The following EYS variants were observed in gnomAD, a reference collection of about 807,000 sequenced individuals.
EYS encodes the protein protein eyes shut homolog.
In EYS, 250 loss-of-function variants were observed where a neutral mutation model predicts 282.1. The ratio of observed to expected loss-of-function variants is 0.89; its 90% CI spans 0.80 to 0.98. EYS has a LOEUF of 0.98. EYS is among the 50% of genes least tolerant of loss of function. The pLI is 0.00. For synonymous variants in EYS, 1,355 were observed against 1,282.9 expected, an observed-to-expected ratio of 1.06 and a Z score of -1.20; for missense variants, 4,016 against 3,709.0, an observed-to-expected ratio of 1.08 and a Z score of -2.15.
At chr6:64,623,494 A>G (rs188964169) in intron 23 of EYS, among the ~76,000 whole-genome samples, 144 of 152,292 alleles carry the variant, frequency 9.5e-4, no homozygotes, top group Admixed American at 2.0e-3. Flanking sequence ...ATTAGTTAAT[A>G]CATCTAAAAT....
chr6:65,123,123 G>A (rs1455188757), intron 12 of EYS, among the ~76,000 whole-genome samples: 8 of 152,074 alleles, frequency 5.3e-5, no homozygotes, highest in Admixed American at 5.2e-4. Context: ...GAGACTTCTT[G>A]ACTAATTGCT....
At chr6:63,910,029 G>A (rs1211520789) in intron 35 of EYS, among the ~76,000 whole-genome samples, 2 of 152,146 alleles carry the variant, frequency 1.3e-5, no homozygotes, top group Non-Finnish European at 2.9e-5. Flanking sequence ...GAACCCCAAG[G>A]AATATTGTTG....
intron 24 of EYS, among the ~76,000 whole-genome samples, chr6:64,599,364 G>T (rs72875001): frequency 0.06 from 9,062 of 152,214 alleles, 377 homozygotes; most frequent in Non-Finnish European, 0.088. Context: ...TGTATTCAGG[G>T]TATACGTGGA....
chr6:64,452,946 T>C (rs1251293690), intron 26 of EYS, among the ~76,000 whole-genome samples: 1 of 152,176 alleles, frequency 6.6e-6, no homozygotes, highest in Non-Finnish European at 1.5e-5. Flanking sequence ...GACATAGGCA[T>C]GGGCAAGGAC....
chr6:63,859,125 G>T, intron 36 of EYS, among the ~76,000 whole-genome samples: 1 of 118,444 alleles, frequency 8.4e-6, no homozygotes, highest in African/African-American at 3.3e-5. Flanking sequence ...AGCTGGGATG[G>T]AGATGCAGCC....
intron 1 of EYS, among the ~76,000 whole-genome samples, chr6:65,684,978 T>A (rs1768963170): frequency 6.6e-6 from 1 of 151,920 alleles, no homozygotes; most frequent in African/African-American, 2.4e-5. Flanking sequence ...AACTTATGAA[T>A]GAAAACAGGC....
chr6:64,524,815 T>C (rs1457322406), intron 26 of EYS, among the ~76,000 whole-genome samples: 1 of 151,644 alleles, frequency 6.6e-6, no homozygotes, highest in Non-Finnish European at 1.5e-5. Flanking sequence ...TCTATTCTGT[T>C]CCATTGGTCT....
At chr6:65,049,091 A>C (rs1773191043) in intron 13 of EYS, among the ~76,000 whole-genome samples, 1 of 151,924 alleles carries the variant, frequency 6.6e-6, no homozygotes, top group African/African-American at 2.4e-5. Context: ...TCATGTTGTA[A>C]ATCTCAAATA....
intron 5 of EYS, among the ~76,000 whole-genome samples, chr6:65,431,247 C>T (rs1469538845): frequency 6.6e-6 from 1 of 152,144 alleles, no homozygotes; most frequent in African/African-American, 2.4e-5. Context: ...GGGTCATAAC[C>T]TCCTTTTGAG....
intron 31 of EYS, among the ~76,000 whole-genome samples, chr6:64,210,828 A>G (rs1447526694): frequency 1.3e-5 from 2 of 152,124 alleles, no homozygotes; most frequent in Non-Finnish European, 2.9e-5. Context: ...CAGTGTGGCT[A>G]GGCAACATCC....
chr6:64,696,778 G>A (rs1355633310), intron 22 of EYS, among the ~76,000 whole-genome samples: 1 of 152,054 alleles, frequency 6.6e-6, no homozygotes, highest in Non-Finnish European at 1.5e-5. Flanking sequence ...TAATGTGTTG[G>A]GCGACAAGCA....
At position 65,005,454 on chromosome 6, in the gene EYS, G is replaced by A. The variant is rs144636451; in HGVS notation, c.2138-7751C>T. On this transcript the variant is annotated intron_variant, in intron 13 of 42. Transcript: ENST00000503581. Reference sequence around the variant, plus strand: ...GCCACCATCTTGGAAGCGGGTCACCGCCATCTTGGGACCTCTGTGAGCAAG... The same window carrying A: ...GCCACCATCTTGGAAGCGGGTCACCACCATCTTGGGACCTCTGTGAGCAAG... Among the ~76,000 whole-genome samples, 305 of 147,534 alleles carry A rather than the reference G, an allele frequency of 2.1e-3. 46 individuals are homozygous for A. The highest frequency in any genetic ancestry group is 4.9e-3 in the South Asian group (22 of 4,530).
intron 31 of EYS, among the ~76,000 whole-genome samples, chr6:64,101,756 ACTTTATTT>A (rs1033193356): frequency 3.3e-5 from 5 of 151,986 alleles, no homozygotes; most frequent in African/African-American, 1.2e-4. Flanking sequence ...TTTGTTGTGT[ACTTTATTT>A]CTATTATTAT....
At chr6:65,004,550 C>A (rs930825369) in intron 13 of EYS, among the ~76,000 whole-genome samples, 3 of 147,594 alleles carry the variant, frequency 2.0e-5, no homozygotes, top group African/African-American at 7.3e-5. Flanking sequence ...ACACTGGCAC[C>A]GGAACTCAAG....
At chr6:65,668,151 T>C (rs369481262) in intron 1 of EYS, among the ~76,000 whole-genome samples, 3 of 151,988 alleles carry the variant, frequency 2.0e-5, no homozygotes, top group South Asian at 4.1e-4. Flanking sequence ...TATTTCTTCC[T>C]GTTTTCTAAT....
At chr6:65,592,377 T>C (rs1045410871) in intron 2 of EYS, among the ~76,000 whole-genome samples, 1 of 152,020 alleles carries the variant, frequency 6.6e-6, no homozygotes, top group African/African-American at 2.4e-5. Context: ...AGTTTTAATA[T>C]TTAACATCTG....
intron 19 of EYS, among the ~76,000 whole-genome samples, chr6:64,872,097 A>G (rs776410181): frequency 1.4e-4 from 22 of 151,996 alleles, no homozygotes; most frequent in Non-Finnish European, 2.8e-4. Flanking sequence ...AAATTTATAT[A>G]GTAGCCAGGT....
intron 26 of EYS, among the ~76,000 whole-genome samples, chr6:64,459,373 T>C (rs1775666610): frequency 6.6e-6 from 1 of 152,162 alleles, no homozygotes; most frequent in Non-Finnish European, 1.5e-5. Flanking sequence ...TCCTTATTTT[T>C]TCTTAAACCT....
At position 64,347,613 on chromosome 6, in the gene EYS, T is replaced by C. The variant is rs1285112425; in HGVS notation, c.6079-40531A>G. ...CGCAAAGAAAAAAAAACTCTTACTA[T>C]AGGCACTCCAACATGATTTCCACTG... On this transcript the variant is annotated intron_variant, in intron 29 of 42. Transcript: ENST00000503581. Among the ~76,000 whole-genome samples the C allele has an allele frequency of 3.3e-5, 5 of 151,398 alleles. 1 individual carries two copies. The South Asian group carries it at 8.3e-4, about 25-fold the overall frequency.
Sources: gnomAD v4.1 joint callset for allele counts (sites outside exome capture counted in the v4.1 genomes callset) on GRCh38, gnomAD v4.1.1 for gene constraint, MANE v1.5 for transcripts, NCBI Gene and HGNC (gene_info 2026-07-23, HGNC 2026-07-21) for gene names.